The following TXNL4A variants were observed in gnomAD, a reference collection of about 807,000 sequenced individuals.
TXNL4A encodes thioredoxin-like protein 4A.
A neutral mutation model predicts 14.6 loss-of-function variants in TXNL4A; 17 were observed. The observed-to-expected ratio is 1.16, with a 90% CI of 0.80 to 1.74. The LOEUF (loss-of-function observed/expected upper bound fraction) is 1.74, where lower values mean the gene tolerates loss of function less well. Ranked by LOEUF, TXNL4A falls within the 40% of genes most tolerant of loss-of-function variation. The probability of loss-of-function intolerance (pLI) is 0.00; values close to 1 mark genes in which losing one functional copy is unlikely to be tolerated. For synonymous variants in TXNL4A, 83 were observed against 70.6 expected, an observed-to-expected ratio of 1.18 and a Z score of -0.88; for missense variants, 74 against 195.2, an observed-to-expected ratio of 0.38 and a Z score of 3.70.
intron 1 of TXNL4A, 165 bp from the exon 2 acceptor site, chr18:79,977,866 TGC>T (rs1172665327): frequency 1.3e-5 from 8 of 603,266 alleles, no homozygotes; most frequent in Admixed American, 3.0e-5. Context: ...AGTGCAATGG[TGC>T]AATCAGCTCA....
In TXNL4A at chr18:80,010,297, G is replaced by C. The variant is rs188305441; in HGVS notation, c.-61+23554C>G. ...TCTATGAACTGGAAAGAGGAAGAAA[G>C]GTGCTTAGTCTGCAGGCTGTCTTCG... On this transcript the variant is annotated intron_variant, in intron 1 of 2. Transcript: ENST00000585474. 1.2e-3 allele frequency among the ~76,000 whole-genome samples: 186 copies of C among 152,124 alleles called. 2 individuals carry two copies. Among genetic ancestry groups the C allele is most frequent in the African/African-American group, 4.2e-3 (175 of 41,554 alleles).
intron 1 of TXNL4A, among the ~76,000 whole-genome samples, chr18:79,978,486 G>A (rs1286762978): frequency 6.6e-6 from 1 of 152,010 alleles, no homozygotes; most frequent in Non-Finnish European, 1.5e-5. Context: ...CAACACCTAG[G>A]GGTGACTGCT....
At chr18:79,975,393 C>T (rs1234230371) in intron 2 of TXNL4A, among the ~76,000 whole-genome samples, 1 of 152,246 alleles carries the variant, frequency 6.6e-6, no homozygotes, top group Non-Finnish European at 1.5e-5. Flanking sequence ...GAAGTTTCAT[C>T]TCCTTTTCTG....
At chr18:79,991,140 A>G (rs555851252), upstream of TXNL4A, among the ~76,000 whole-genome samples, 46 of 150,750 alleles carry the variant, frequency 3.1e-4, no homozygotes, top group South Asian at 7.2e-3. Flanking sequence ...TTTTGTTGAG[A>G]TCTAATCCAT....
intron 1 of TXNL4A, among the ~76,000 whole-genome samples, chr18:80,012,902 A>C (rs1026383521): frequency 1.3e-5 from 2 of 151,324 alleles, no homozygotes; most frequent in African/African-American, 4.9e-5. Context: ...GTGAGGCCGG[A>C]AAGGCGGCCG....
rs142742162 is a variant in TXNL4A, at chr18:80,012,107, C to T, written c.-61+21744G>A. On this transcript the variant is annotated intron_variant, in intron 1 of 2. Coordinates refer to the TXNL4A transcript ENST00000585474. ...CTAACTCCTTTGTTTCTGCTGGACT[C>T]GGGGTACCCACCGGGTAGTGTGGGG... 1.4e-3 allele frequency among the ~76,000 whole-genome samples: 217 copies of T among 152,188 alleles called. 2 individuals carry two copies. Among genetic ancestry groups the T allele is most frequent in the African/African-American group, 4.9e-3 (204 of 41,528 alleles).
chr18:79,980,544 T>C (rs9957220), intron 1 of TXNL4A, among the ~76,000 whole-genome samples: 116,859 of 152,004 alleles, frequency 0.77, 46,028 homozygotes, highest in East Asian at 0.91. Flanking sequence ...GTTCACTATA[T>C]TCTCTACTTT....
rs1337458858 is a variant in TXNL4A at position 80,011,876 on chromosome 18, C to T, written c.-61+21975G>A. On this transcript the variant is annotated intron_variant, in intron 1 of 2. Coordinates refer to the TXNL4A transcript ENST00000585474. The surrounding 1 kb of genome is among the most constrained non-coding windows in gnomAD (Gnocchi z 4.1). The stretch of plus-strand genomic sequence containing the variant: ...AAAGATCTTAAGTAGTTTAGACACA[C>T]GCCTTTGCTCGAGGAAATTCACAGA... 2.0e-5 allele frequency among the ~76,000 whole-genome samples: 3 copies of T among 152,012 alleles called. No individual in the cohort carries two copies. Among genetic ancestry groups the T allele is most frequent in the Non-Finnish European group, 2.9e-5 (2 of 68,010 alleles).
At chr18:80,031,724 C>T (rs1223468569) in intron 1 of TXNL4A, among the ~76,000 whole-genome samples, 2 of 152,206 alleles carry the variant, frequency 1.3e-5, no homozygotes, top group East Asian at 1.9e-4. Context: ...GATACACTAA[C>T]GGCAGCACAA....
chr18:79,989,254 A>C (rs2051606446), upstream of TXNL4A, among the ~76,000 whole-genome samples: 1 of 152,070 alleles, frequency 6.6e-6, no homozygotes, highest in Non-Finnish European at 1.5e-5. Flanking sequence ...AGCTGGGACT[A>C]CAAGGCGCCA....
intron 1 of TXNL4A, among the ~76,000 whole-genome samples, chr18:80,016,496 G>A (rs1431050403): frequency 1.6e-4 from 24 of 151,954 alleles, no homozygotes; most frequent in Non-Finnish European, 2.9e-4. Flanking sequence ...ATGGTTTTAG[G>A]TCTAACTTTT....
intron 1 of TXNL4A, among the ~76,000 whole-genome samples, chr18:80,014,831 C>T (rs2051796177): frequency 6.6e-6 from 1 of 152,240 alleles, no homozygotes; most frequent in South Asian, 2.1e-4. Flanking sequence ...CCAGCCCCTG[C>T]AGCAAACTTT....
intron 1 of TXNL4A, among the ~76,000 whole-genome samples, chr18:80,018,245 T>C (rs1307402885): frequency 6.6e-6 from 1 of 152,056 alleles, no homozygotes; most frequent in Non-Finnish European, 1.5e-5. Flanking sequence ...ACTGGGTACA[T>C]AACGAAATGA....
chr18:80,013,376 C>G (rs2051785252), intron 1 of TXNL4A, among the ~76,000 whole-genome samples: 1 of 152,016 alleles, frequency 6.6e-6, no homozygotes, highest in South Asian at 2.1e-4. Context: ...CCGCCTCGGC[C>G]TCCCAAAGTG....
intron 1 of TXNL4A, among the ~76,000 whole-genome samples, chr18:80,022,335 C>T (rs1268458592): frequency 6.6e-6 from 1 of 152,108 alleles, no homozygotes; most frequent in Non-Finnish European, 1.5e-5. Context: ...GGGGAACCAT[C>T]CTTTGCAGGC....
intron 1 of TXNL4A, among the ~76,000 whole-genome samples, chr18:80,008,178 C>T (rs1176093659): frequency 6.6e-6 from 1 of 152,124 alleles, no homozygotes; most frequent in African/African-American, 2.4e-5. Context: ...TGAGTGTGCT[C>T]TCCAGCTTCA....
At chr18:79,987,122 G>C (rs200161075) in intron 1 of TXNL4A, among the ~76,000 whole-genome samples, 2 of 152,114 alleles carry the variant, frequency 1.3e-5, no homozygotes, top group African/African-American at 2.4e-5. Flanking sequence ...TTCCCTGAGG[G>C]GCTTCTTTAA....
At chr18:80,021,077 A>G (rs1004893544) in intron 1 of TXNL4A, among the ~76,000 whole-genome samples, 1 of 152,052 alleles carries the variant, frequency 6.6e-6, no homozygotes, top group African/African-American at 2.4e-5. Context: ...GGATGAGAAA[A>G]CTCAGAGAGA....
chr18:79,992,375 T>G (rs1250888359), upstream of TXNL4A, among the ~76,000 whole-genome samples: 1 of 152,102 alleles, frequency 6.6e-6, no homozygotes, highest in Non-Finnish European at 1.5e-5. Context: ...GAGAGAAACA[T>G]TTAATAGGGA....
Sources: allele counts gnomAD v4.1 joint callset (sites outside exome capture counted in the v4.1 genomes callset), GRCh38; gene constraint gnomAD v4.1.1; non-coding constraint Gnocchi (gnomAD v3.1); transcripts MANE v1.5; gene names NCBI Gene and HGNC (gene_info 2026-07-23, HGNC 2026-07-21).